LONRF1: variants seen among roughly 807,000 people sequenced by gnomAD.
The protein encoded by LONRF1 is LON peptidase N-terminal domain and RING finger protein 1.
In LONRF1, 37 loss-of-function variants were observed where a neutral mutation model predicts 85.8. The ratio of observed to expected loss-of-function variants is 0.43; its 90% CI spans 0.33 to 0.57. LONRF1 has a LOEUF of 0.57. Ranked by LOEUF, LONRF1 falls within the 20% of genes least tolerant of loss-of-function variation. The pLI, the probability that LONRF1 is intolerant of heterozygous loss-of-function variation, is 0.04. For missense variants in LONRF1, 1,036 were observed against 978.0 expected (o/e 1.06, Z -0.79); for synonymous variants, 517 against 390.1 (o/e 1.33, Z -3.83).
chr8:12,746,194 G>A (rs930281434), intron 1 of LONRF1, among the ~76,000 whole-genome samples: 2 of 151,980 alleles, frequency 1.3e-5, no homozygotes, highest in Non-Finnish European at 1.5e-5. Context: ...CTTGCTCACT[G>A]ATCTCCCTGC....
chr8:12,752,582 G>C (rs1008516246), intron 1 of LONRF1, among the ~76,000 whole-genome samples: 1 of 152,098 alleles, frequency 6.6e-6, no homozygotes, highest in Non-Finnish European at 1.5e-5. Flanking sequence ...TGCTAAGTGG[G>C]CAAAATCCTC....
intron 8 of LONRF1, 36 bp from the exon 9 acceptor site, chr8:12,729,368 C>T: frequency 3.8e-6 from 6 of 1,596,838 alleles, no homozygotes; most frequent in South Asian, 2.2e-5. Context: ...AGAATTCATA[C>T]AAGAAAAATA....
intron 1 of LONRF1, among the ~76,000 whole-genome samples, chr8:12,743,719 A>G (rs1265167081): frequency 6.6e-6 from 1 of 152,146 alleles, no homozygotes; most frequent in African/African-American, 2.4e-5. Flanking sequence ...TTACATATGG[A>G]ATTCCCACGG....
chr8:12,725,246 G>A (rs1798246390), intron 11 of LONRF1, among the ~76,000 whole-genome samples: 1 of 152,174 alleles, frequency 6.6e-6, no homozygotes, highest in Non-Finnish European at 1.5e-5. Context: ...TAAACATGAA[G>A]AGACAAAAAT....
chr8:12,723,484 AT>A (rs1806008863), intron 11 of LONRF1, among the ~76,000 whole-genome samples: 1 of 152,186 alleles, frequency 6.6e-6, no homozygotes, highest in Admixed American at 6.5e-5. Context: ...CGAGATTCAA[AT>A]CTAGACCTGA....
intron 10 of LONRF1, 53 bp from the exon 11 acceptor site, chr8:12,725,932 C>T: frequency 6.5e-7 from 1 of 1,533,194 alleles, no homozygotes; most frequent in South Asian, 1.1e-5. Context: ...CGTCCATATG[C>T]CATATGCCAA....
chr8:12,733,538 C>T (rs1400215784), intron 7 of LONRF1, among the ~76,000 whole-genome samples: 2 of 152,086 alleles, frequency 1.3e-5, no homozygotes, highest in Admixed American at 6.5e-5. Context: ...CCATTGTCAC[C>T]CACTACTGAG....
chr8:12,736,506 T>C (rs28437656), intron 6 of LONRF1, among the ~76,000 whole-genome samples, 195 bp downstream of exon 6: 2,589 of 152,284 alleles, frequency 0.017, 85 homozygotes, highest in African/African-American at 0.059. Context: ...ACTTTCTAAA[T>C]TAGGAAACCT....
chr8:12,750,690 AT>A (rs1158845915), intron 1 of LONRF1, among the ~76,000 whole-genome samples: 1 of 152,226 alleles, frequency 6.6e-6, no homozygotes, highest in Non-Finnish European at 1.5e-5. Flanking sequence ...TTTACCTATA[AT>A]TTGACTGATC....
Position 12,725,625 on chromosome 8 carries a change from G to C in LONRF1, c.2163+102C>G, listed in dbSNP as rs1215891159. 6.5e-6 allele frequency: 8 copies of C among 1,234,594 alleles called. 1 individual carries two copies. The Middle Eastern group carries it at 7.9e-4, about 121-fold the overall frequency. The allele number at this position is 1,234,594 out of a possible 1,614,324, so 76.5% of individuals were successfully genotyped here. A position where few individuals can be genotyped will look rare whatever the true frequency, so the allele number is the denominator to read the frequency against. ...TGGTGCGGGGGAGGGGACAGTCAAA[G>C]AAAAAGTAGTGCAGAAAGGACAATG... On this transcript the variant is annotated intron_variant, in intron 11 of 11. Transcript: ENST00000398246.
chr8:12,733,374 G>A (rs1448330992), intron 7 of LONRF1, among the ~76,000 whole-genome samples: 1 of 152,038 alleles, frequency 6.6e-6, no homozygotes, highest in Non-Finnish European at 1.5e-5. Context: ...GGTTTTAAGG[G>A]CTTCATAAAT....
At chr8:12,745,744 AT>A (rs1340437078) in intron 1 of LONRF1, among the ~76,000 whole-genome samples, 2 of 152,158 alleles carry the variant, frequency 1.3e-5, no homozygotes, top group Non-Finnish European at 2.9e-5. Flanking sequence ...AGTTGTCAAA[AT>A]TTTGACAACA....
At chr8:12,751,312 T>TTTGTTTTTTTTTTG (rs1799392094) in intron 1 of LONRF1, among the ~76,000 whole-genome samples, 1 of 137,992 alleles carries the variant, frequency 7.2e-6, no homozygotes, top group African/African-American at 2.7e-5. Context: ...TTTTTTTTTT[T>TTTGTTTTTTTTTTG]TTTTTTTTGA....
Position 12,754,857 on chromosome 8 carries a change from A to G in LONRF1, c.564T>C (p.Ala188=), listed in dbSNP as rs1239101900. 5 of 1,493,312 alleles carry G rather than the reference A, an allele frequency of 3.3e-6. No individual in the cohort carries two copies. Among genetic ancestry groups the G allele is most frequent in the Non-Finnish European group, 4.4e-6 (5 of 1,126,232 alleles). 92.5% of individuals were successfully genotyped at this position (1,493,312 alleles called of 1,614,324 possible). ...RPPPLAAAIA[A]SDFRTSVVLN... The stretch of plus-strand genomic sequence containing the variant: ...GGACGACGCTGGTTCTGAAGTCTGA[A>G]GCGGCGATGGCGGCGGCCAGAGGCG... Residue 188 remains alanine (A), a synonymous_variant, in exon 1 of 12, where the codon GCT becomes GCC. Coordinates refer to ENST00000398246, the MANE Select transcript of LONRF1 (RefSeq NM_152271.5).
At position 12,722,209 on chromosome 8, in the gene LONRF1, C is replaced by T. The variant is rs1447092457; in HGVS notation, c.*887G>A. The T allele has an allele frequency of 6.6e-6, 1 of 152,356 alleles. No individual in the cohort carries two copies. Among genetic ancestry groups the T allele is most frequent in the Admixed American group, 6.6e-5 (1 of 15,214 alleles). The allele number at this position is 152,356 out of a possible 1,614,324, so 9.4% of individuals were successfully genotyped here. A position where few individuals can be genotyped will look rare whatever the true frequency, so the allele number is the denominator to read the frequency against. Reference sequence around the variant, plus strand: ...TTCCCAGATCCTTAATGGGTTTATACTATGCATTTTTTTTTAAAACAAACA... The same window carrying T: ...TTCCCAGATCCTTAATGGGTTTATATTATGCATTTTTTTTTAAAACAAACA... On this transcript the variant is annotated 3_prime_UTR_variant, in exon 12 of 12. Transcript: ENST00000398246.
intron 10 of LONRF1, 136 bp from the exon 11 acceptor site, chr8:12,726,015 T>C (rs1798283875): frequency 1.4e-6 from 1 of 730,654 alleles, no homozygotes; most frequent in Admixed American, 2.8e-5. Context: ...CAGAGAGTAT[T>C]ATTCCTATGC....
chr8:12,747,423 G>T (rs1487871652), intron 1 of LONRF1, among the ~76,000 whole-genome samples: 1 of 152,056 alleles, frequency 6.6e-6, no homozygotes, highest in Non-Finnish European at 1.5e-5. Flanking sequence ...CATACAATTT[G>T]AAAAATATAG....
At chr8:12,734,465 C>A (rs1798644400) in intron 7 of LONRF1, among the ~76,000 whole-genome samples, 1 of 152,140 alleles carries the variant, frequency 6.6e-6, no homozygotes, top group African/African-American at 2.4e-5. Context: ...TTTCCCCAAT[C>A]AACGCTACAA....
chr8:12,749,715 G>C (rs1799303027), intron 1 of LONRF1, among the ~76,000 whole-genome samples: 1 of 151,906 alleles, frequency 6.6e-6, no homozygotes, highest in Admixed American at 6.6e-5. Flanking sequence ...CATTACAGTT[G>C]ATCTTTTTAG....
Sources: allele counts gnomAD v4.1 joint callset (sites outside exome capture counted in the v4.1 genomes callset), GRCh38; gene constraint gnomAD v4.1.1; transcripts MANE v1.5; gene names NCBI Gene and HGNC (gene_info 2026-07-23, HGNC 2026-07-21).